RSRC1: variants seen among roughly 807,000 people sequenced by gnomAD.
RSRC1 encodes the protein arginine and serine rich coiled-coil 1, also known as serine/Arginine-related protein 53.
In RSRC1, 39 loss-of-function variants were observed where a neutral mutation model predicts 49.1. That is an observed-to-expected ratio of 0.79 (90% CI 0.61 to 1.04). The LOEUF is 1.04. Among genes scored for constraint, RSRC1 ranks in the 50% least tolerant of loss-of-function variants. The pLI is 0.00. For synonymous variants in RSRC1, 143 were observed against 130.8 expected (o/e 1.09, Z -0.63); for missense variants, 388 against 402.4 (o/e 0.96, Z 0.31).
At chr3:158,530,708 C>T (rs896034998) in intron 7 of RSRC1, among the ~76,000 whole-genome samples, 3 of 151,592 alleles carry the variant, frequency 2.0e-5, no homozygotes, top group Admixed American at 1.3e-4. Flanking sequence ...TGGAGACCAA[C>T]ACTCTTGAAC....
chr3:158,406,216 A>T (rs991757489), intron 6 of RSRC1, among the ~76,000 whole-genome samples: 2 of 152,104 alleles, frequency 1.3e-5, no homozygotes, highest in Non-Finnish European at 2.9e-5. Flanking sequence ...TTATTTTCTT[A>T]AAATGTTCTC....
intron 4 of RSRC1, among the ~76,000 whole-genome samples, chr3:158,205,708 T>A (rs548407831): frequency 5.3e-5 from 8 of 152,206 alleles, no homozygotes; most frequent in Admixed American, 3.3e-4. Context: ...GTCAGCAAAC[T>A]TTTGTAAAGG....
At chr3:158,358,184 T>C (rs185121175) in intron 6 of RSRC1, among the ~76,000 whole-genome samples, 59 of 152,342 alleles carry the variant, frequency 3.9e-4, no homozygotes, top group Admixed American at 5.2e-4. Context: ...GATTTTATTG[T>C]ATTTGGGTTA....
rs1713213885 is a variant in RSRC1 at position 158,544,367 on chromosome 3, A to C, written c.*92A>C. On this transcript the variant is annotated 3_prime_UTR_variant, in exon 10 of 10. Coordinates refer to ENST00000611884, the MANE Select transcript of RSRC1 (RefSeq NM_001271838.2). Reference sequence around the variant, plus strand: ...ATATTAACTTTTTACTCTTAAAAAGAATTTTGCTGATTATATATAAAGGTA... The same window carrying C: ...ATATTAACTTTTTACTCTTAAAAAGCATTTTGCTGATTATATATAAAGGTA... 3 of 737,134 alleles carry C rather than the reference A, an allele frequency of 4.1e-6. No homozygotes were observed. In the Admixed American group the frequency reaches 7.9e-5, roughly 19 times the overall value. The allele number at this position is 737,134 out of a possible 1,614,324, so 45.7% of individuals were successfully genotyped here.
In RSRC1 at chr3:158,163,027, G is replaced by A. The variant is rs1026606365; in HGVS notation, c.320+39036G>A. 7.9e-5 allele frequency among the ~76,000 whole-genome samples: 12 copies of A among 152,030 alleles called. No individual in the cohort carries two copies. In the South Asian group the frequency reaches 1.2e-3, roughly 16 times the overall value. The stretch of plus-strand genomic sequence containing the variant: ...AATTTTTTGTTTCTTTTTTGAGATG[G>A]AATCTCATCCTGCACCCCTAGGCTG... On this transcript the variant is annotated intron_variant, in intron 3 of 9. Coordinates refer to ENST00000611884, the MANE Select transcript of RSRC1 (RefSeq NM_001271838.2).
chr3:158,119,188 C>T (rs1361019620), intron 1 of RSRC1, among the ~76,000 whole-genome samples: 1 of 152,116 alleles, frequency 6.6e-6, no homozygotes, highest in Non-Finnish European at 1.5e-5. Context: ...TTTTTAGCCT[C>T]ATGGCCTCAT....
At chr3:158,363,110 C>G (rs1731568303) in intron 6 of RSRC1, among the ~76,000 whole-genome samples, 1 of 152,062 alleles carries the variant, frequency 6.6e-6, no homozygotes, top group African/African-American at 2.4e-5. Flanking sequence ...TTTAATAAAT[C>G]TTTATCTTTT....
chr3:158,216,334 T>C (rs1446304177), intron 4 of RSRC1, among the ~76,000 whole-genome samples: 3 of 151,516 alleles, frequency 2.0e-5, no homozygotes, highest in Non-Finnish European at 4.4e-5. Context: ...TTATGTCTAA[T>C]CTGCTAAGTG....
At chr3:158,217,321 T>A (rs1168759540) in intron 4 of RSRC1, among the ~76,000 whole-genome samples, 1 of 151,698 alleles carries the variant, frequency 6.6e-6, no homozygotes, top group Non-Finnish European at 1.5e-5. Flanking sequence ...GTTCTAGCGT[T>A]GGCTCTTCTG....
At chr3:158,374,959 T>C (rs1310628563) in intron 6 of RSRC1, among the ~76,000 whole-genome samples, 1 of 152,028 alleles carries the variant, frequency 6.6e-6, no homozygotes, top group Non-Finnish European at 1.5e-5. Context: ...ATGAGTTAAT[T>C]AATTCCTTCT....
At chr3:158,152,925 T>C (rs535656638) in intron 3 of RSRC1, among the ~76,000 whole-genome samples, 1 of 152,340 alleles carries the variant, frequency 6.6e-6, no homozygotes, top group Admixed American at 6.5e-5. Flanking sequence ...ATGATCTTAG[T>C]AGATCTAATA....
intron 4 of RSRC1, among the ~76,000 whole-genome samples, chr3:158,258,765 G>A (rs929006866): frequency 2.6e-5 from 4 of 151,832 alleles, no homozygotes; most frequent in Non-Finnish European, 5.9e-5. Flanking sequence ...TCCTCTGACC[G>A]TGTATTTTCA....
At chr3:158,123,281 A>G (rs1164976308) in intron 2 of RSRC1, among the ~76,000 whole-genome samples, 2 of 152,174 alleles carry the variant, frequency 1.3e-5, no homozygotes, top group South Asian at 2.1e-4. Flanking sequence ...TGTTGGGATT[A>G]CAGGCGTGAG....
chr3:158,339,272 C>G (rs1051125908), intron 5 of RSRC1, among the ~76,000 whole-genome samples: 14 of 140,102 alleles, frequency 1.0e-4, no homozygotes, highest in African/African-American at 3.2e-4. Flanking sequence ...GCAGTCCGGC[C>G]TGGGCGACAG....
At chr3:158,153,474 T>C (rs1049742675) in intron 3 of RSRC1, among the ~76,000 whole-genome samples, 2 of 152,230 alleles carry the variant, frequency 1.3e-5, no homozygotes, top group Non-Finnish European at 2.9e-5. Context: ...AGAATGACAA[T>C]GTGGCATGGT....
chr3:158,155,521 A>G (rs770805821), intron 3 of RSRC1, among the ~76,000 whole-genome samples: 5 of 150,810 alleles, frequency 3.3e-5, no homozygotes, highest in Non-Finnish European at 5.9e-5. Context: ...TGCAGCCTCT[A>G]CCTCTCAGGC....
chr3:158,162,229 T>TA (rs1466841157), intron 3 of RSRC1, among the ~76,000 whole-genome samples: 1 of 152,212 alleles, frequency 6.6e-6, no homozygotes, highest in Non-Finnish European at 1.5e-5. Flanking sequence ...CTGTGAAAGA[T>TA]ACTGTTTAGA....
intron 3 of RSRC1, among the ~76,000 whole-genome samples, chr3:158,154,457 C>T (rs1306518873): frequency 6.8e-6 from 1 of 146,886 alleles, no homozygotes; most frequent in Non-Finnish European, 1.5e-5. Context: ...AGTATTTTAC[C>T]GATCATAGAA....
chr3:158,296,329 C>T (rs1235472340), intron 4 of RSRC1, among the ~76,000 whole-genome samples: 3 of 151,964 alleles, frequency 2.0e-5, no homozygotes, highest in Admixed American at 6.6e-5. Context: ...GACACACACA[C>T]ACACATACAC....
Sources: allele counts gnomAD v4.1 joint callset (sites outside exome capture counted in the v4.1 genomes callset), GRCh38; gene constraint gnomAD v4.1.1; transcripts MANE v1.5; gene names NCBI Gene and HGNC (gene_info 2026-07-23, HGNC 2026-07-21).